GPC5: variants seen among roughly 807,000 people sequenced by gnomAD.
GPC5 encodes glypican 5, also known as glypican-5.
Under a neutral mutation model 53.9 loss-of-function variants are expected in GPC5, and 47 were observed. That is an observed-to-expected ratio of 0.87 (90% CI 0.69 to 1.11). The LOEUF is 1.11. Ranked by LOEUF, GPC5 falls within the 50% of genes most tolerant of loss-of-function variation. The pLI, the probability that GPC5 is intolerant of heterozygous loss-of-function variation, is 0.00. For synonymous variants in GPC5, 286 were observed against 263.3 expected (o/e 1.09, Z -0.84); for missense variants, 748 against 713.1 (o/e 1.05, Z -0.56).
chr13:92,663,028 T>A (rs765952278), intron 7 of GPC5, among the ~76,000 whole-genome samples: 4 of 152,146 alleles, frequency 2.6e-5, no homozygotes, highest in Non-Finnish European at 4.4e-5. Flanking sequence ...GTGAATGAAC[T>A]CACGCTAAGT....
intron 6 of GPC5, among the ~76,000 whole-genome samples, chr13:91,917,337 G>A (rs1252998415): frequency 1.3e-5 from 2 of 152,216 alleles, no homozygotes; most frequent in African/African-American, 4.8e-5. Context: ...CAAGAGGTGG[G>A]CTCCCATGGC....
chr13:92,556,413 T>C (rs1159537996), intron 7 of GPC5, among the ~76,000 whole-genome samples: 1 of 151,818 alleles, frequency 6.6e-6, no homozygotes, highest in Admixed American at 6.6e-5. Flanking sequence ...ATATATATTA[T>C]TTTTATGTTT....
rs1566403141 is a variant in GPC5, at chr13:92,031,733, ATAT to A, written c.1402-113093_1402-113091del. ...ATATTACATATATGTAATATATTAC[ATAT>A]TATATATAATATATATTATATTACA... On this transcript the variant is annotated intron_variant, in intron 6 of 7. Coordinates refer to ENST00000377067, the MANE Select transcript of GPC5 (RefSeq NM_004466.6). Among the ~76,000 whole-genome samples, 323 of 67,442 alleles carry A rather than the reference ATAT, an allele frequency of 4.8e-3. 39 individuals are homozygous for A. Among genetic ancestry groups the A allele is most frequent in the African/African-American group, 0.014 (249 of 17,656 alleles). 44.2% of individuals were successfully genotyped at this position (67,442 alleles called of 152,430 possible).
intron 7 of GPC5, among the ~76,000 whole-genome samples, chr13:92,642,963 C>T (rs1034729913): frequency 3.3e-5 from 5 of 152,198 alleles, no homozygotes; most frequent in African/African-American, 1.2e-4. Context: ...ATACATGTTT[C>T]TGGCTCTTGA....
chr13:91,668,608 T>G (rs1471381171), intron 2 of GPC5, among the ~76,000 whole-genome samples: 2 of 152,146 alleles, frequency 1.3e-5, no homozygotes, highest in East Asian at 3.8e-4. Flanking sequence ...TTGATGTATA[T>G]TCTCTAAAAA....
intron 7 of GPC5, among the ~76,000 whole-genome samples, chr13:92,381,859 T>A (rs936788031): frequency 1.6e-4 from 22 of 135,570 alleles, no homozygotes; most frequent in African/African-American, 4.8e-4. Flanking sequence ...TCATATATGA[T>A]TATATATATC....
chr13:92,819,278 G>A (rs909473753), intron 7 of GPC5, among the ~76,000 whole-genome samples: 1 of 150,420 alleles, frequency 6.6e-6, no homozygotes, highest in Non-Finnish European at 1.5e-5. Flanking sequence ...ATACTTAAAT[G>A]ATTTGACTTA....
chr13:92,302,201 C>T (rs893714678), intron 7 of GPC5, among the ~76,000 whole-genome samples: 1 of 151,994 alleles, frequency 6.6e-6, no homozygotes, highest in Admixed American at 6.6e-5. Flanking sequence ...GTTTTTTGCA[C>T]TTTAATTAAT....
At chr13:92,242,624 T>C (rs1445548168) in intron 7 of GPC5, among the ~76,000 whole-genome samples, 1 of 152,116 alleles carries the variant, frequency 6.6e-6, no homozygotes, top group East Asian at 1.9e-4. Context: ...GAAAGAGTCA[T>C]GACAAACCTA....
At chr13:92,802,464 A>G (rs955159042) in intron 7 of GPC5, among the ~76,000 whole-genome samples, 4 of 151,862 alleles carry the variant, frequency 2.6e-5, no homozygotes, top group Admixed American at 2.6e-4. Flanking sequence ...ACATGTGCAC[A>G]ACGTGATCAT....
intron 5 of GPC5, among the ~76,000 whole-genome samples, chr13:91,864,729 TA>T (rs2039065689): frequency 6.6e-6 from 1 of 152,122 alleles, no homozygotes; most frequent in Non-Finnish European, 1.5e-5. Context: ...CAGTCTATTT[TA>T]AAAGGAGATA....
intron 2 of GPC5, among the ~76,000 whole-genome samples, chr13:91,500,455 A>G (rs747275863): frequency 6.6e-6 from 1 of 152,142 alleles, no homozygotes; most frequent in Non-Finnish European, 1.5e-5. Flanking sequence ...ATTAGGGAGG[A>G]TTCCCATGCA....
chr13:91,413,698 T>C (rs912952849), intron 1 of GPC5, among the ~76,000 whole-genome samples: 2 of 152,182 alleles, frequency 1.3e-5, no homozygotes, highest in African/African-American at 2.4e-5. Flanking sequence ...AGCAAAACAA[T>C]AGTCACTCTC....
chr13:92,835,706 TCTAA>T lies in GPC5; in HGVS notation c.1562-30573_1562-30570del, dbSNP rs565361864. 6.6e-5 allele frequency among the ~76,000 whole-genome samples: 10 copies of T among 152,118 alleles called. No individual in the cohort carries two copies. In the East Asian group the frequency reaches 1.5e-3, roughly 23 times the overall value. ...GTACTTCTATTTCTATGAAATATTTTCTAACTGATTCACATAACCTAGTTAACAT... is the reference window on the plus strand; with the variant it reads ...GTACTTCTATTTCTATGAAATATTTTCTGATTCACATAACCTAGTTAACAT... On this transcript the variant is annotated intron_variant, in intron 7 of 7. Transcript: ENST00000377067.
intron 5 of GPC5, among the ~76,000 whole-genome samples, chr13:91,874,609 C>T (rs551762158): frequency 1.3e-5 from 2 of 152,238 alleles, no homozygotes; most frequent in South Asian, 2.1e-4. Context: ...AAGCAATGCA[C>T]ATTTGTTAGG....
intron 2 of GPC5, among the ~76,000 whole-genome samples, chr13:91,572,044 C>CAT (rs2031889629): frequency 9.7e-6 from 1 of 103,104 alleles, no homozygotes; most frequent in African/African-American, 5.4e-5. Context: ...TGTGTATATA[C>CAT]ACACATATGT....
chr13:91,658,350 G>C (rs114484700), intron 2 of GPC5, among the ~76,000 whole-genome samples: 5 of 151,090 alleles, frequency 3.3e-5, no homozygotes, highest in Non-Finnish European at 7.4e-5. Flanking sequence ...CACATTTCTT[G>C]TTTTCAAATT....
intron 7 of GPC5, among the ~76,000 whole-genome samples, chr13:92,725,299 T>C (rs936403569): frequency 6.6e-6 from 1 of 151,536 alleles, no homozygotes; most frequent in Non-Finnish European, 1.5e-5. Context: ...ATGAGTAATT[T>C]GTTTAAGAGT....
chr13:92,598,810 A>G (rs2139077453), intron 7 of GPC5, among the ~76,000 whole-genome samples: 1 of 152,282 alleles, frequency 6.6e-6, no homozygotes, highest in Non-Finnish European at 1.5e-5. Context: ...TGAGGTCAGG[A>G]GTTCGAGACC....
Sources: allele counts gnomAD v4.1 joint callset (sites outside exome capture counted in the v4.1 genomes callset), GRCh38; gene constraint gnomAD v4.1.1; transcripts MANE v1.5; gene names NCBI Gene and HGNC (gene_info 2026-07-23, HGNC 2026-07-21).